ATAD2B: variants seen among roughly 807,000 people sequenced by gnomAD.
ATAD2B encodes ATPase family AAA domain-containing protein 2B.
ATAD2B carries 40 observed loss-of-function variants against 167.6 expected under a neutral mutation model. The observed-to-expected ratio is 0.24, with a 90% CI of 0.19 to 0.31. ATAD2B has a LOEUF of 0.31. Among genes scored for constraint, ATAD2B ranks in the 10% least tolerant of loss-of-function variants. The pLI is 1.00. For synonymous variants in ATAD2B, 579 were observed against 596.5 expected (o/e 0.97, Z 0.43); for missense variants, 1,242 against 1,757.2 (o/e 0.71, Z 5.24).
At chr2:23,815,482 G>C (rs1686303145) in intron 17 of ATAD2B, among the ~76,000 whole-genome samples, 1 of 152,216 alleles carries the variant, frequency 6.6e-6, no homozygotes, top group Non-Finnish European at 1.5e-5. Flanking sequence ...GTCCAGCTAT[G>C]TACGGAAAGA....
intron 1 of ATAD2B, among the ~76,000 whole-genome samples, chr2:23,909,849 GTTTT>G (rs1005133562): frequency 2.0e-5 from 3 of 150,360 alleles, no homozygotes; most frequent in Non-Finnish European, 4.4e-5. Context: ...AGTTTGGGTT[GTTTT>G]TTTTTGTTTG....
chr2:23,741,296 C>A, the ATAD2B span, among the ~76,000 whole-genome samples: 1 of 152,210 alleles, frequency 6.6e-6, no homozygotes, highest in Non-Finnish European at 1.5e-5. Context: ...TACCTGACTT[C>A]AAACTATACT....
chr2:23,913,221 C>T (rs190888224), intron 1 of ATAD2B, among the ~76,000 whole-genome samples: 2 of 152,254 alleles, frequency 1.3e-5, no homozygotes, highest in East Asian at 3.9e-4. Flanking sequence ...TCCAATCCTA[C>T]AAAAGAAATA....
In ATAD2B at chr2:23,874,078, T is replaced by C. The variant is rs752020157; in HGVS notation, c.977+1751A>G. Among the ~76,000 whole-genome samples the C allele has an allele frequency of 5.9e-5, 9 of 151,304 alleles. No homozygotes were observed. The South Asian group carries it at 6.3e-4, about 11-fold the overall frequency. On this transcript the variant is annotated intron_variant, in intron 8 of 27. Transcript: ENST00000238789. ...GGTGTATGCCTGTAACCCCAGCTAG[T>C]GGGGAGGCTGAGCCAGGAGAATTGC...
In ATAD2B at chr2:23,788,642, T is replaced by C. The variant is rs1681177323; in HGVS notation, c.2646A>G (p.Lys882=). ...TMYSELPEEV[K]CIFRIQYEEV... ...CTTCATACTGTATTCTAAAGATACATTTAACCTACACATATACACACACAC... is the reference window on the plus strand; with the variant it reads ...CTTCATACTGTATTCTAAAGATACACTTAACCTACACATATACACACACAC... Residue 882 remains lysine, a synonymous_variant, in exon 20 of 28, where the codon AAA becomes AAG. Transcript: ENST00000238789. 1 of 1,590,082 alleles carries C rather than the reference T, an allele frequency of 6.3e-7. No homozygotes were observed. The highest frequency in any genetic ancestry group is 8.6e-7 in the Non-Finnish European group (1 of 1,160,086).
the ATAD2B span, among the ~76,000 whole-genome samples, chr2:23,686,572 G>A: frequency 1.4e-4 from 22 of 152,308 alleles, no homozygotes; most frequent in African/African-American, 5.1e-4. Flanking sequence ...ACCCAAGGAG[G>A]TGAGGTGTCA....
intron 1 of ATAD2B, among the ~76,000 whole-genome samples, chr2:23,902,317 G>A (rs1044359639): frequency 6.6e-6 from 1 of 152,146 alleles, no homozygotes; most frequent in African/African-American, 2.4e-5. Flanking sequence ...TCAGAATAAA[G>A]AGGATTACCA....
the ATAD2B span, among the ~76,000 whole-genome samples, chr2:23,687,030 T>C: frequency 6.6e-6 from 1 of 151,912 alleles, no homozygotes. Context: ...GAGAAGCTGA[T>C]GTAACCATGT....
Sources: gnomAD v4.1 joint callset for allele counts (sites outside exome capture counted in the v4.1 genomes callset) on GRCh38, gnomAD v4.1.1 for gene constraint, MANE v1.5 for transcripts, NCBI Gene and HGNC (gene_info 2026-07-23, HGNC 2026-07-21) for gene names.